COMMD10: variants seen among roughly 807,000 people sequenced by gnomAD.
COMMD10 encodes the protein COMM domain-containing protein 10.
COMMD10 carries 33 observed loss-of-function variants against 28.9 expected under a neutral mutation model. That is an observed-to-expected ratio of 1.14 (90% CI 0.87 to 1.53). The LOEUF (loss-of-function observed/expected upper bound fraction) is 1.53. Among genes scored for constraint, COMMD10 ranks in the 40% most tolerant of loss-of-function variants. COMMD10 has a pLI of 0.00. For missense variants in COMMD10, 310 were observed against 233.4 expected (o/e 1.33, Z -2.14); for synonymous variants, 110 against 81.7 (o/e 1.35, Z -1.87).
intron 5 of COMMD10, among the ~76,000 whole-genome samples, chr5:116,147,900 T>C (rs964231605): frequency 6.6e-6 from 1 of 151,918 alleles, no homozygotes; most frequent in East Asian, 1.9e-4. Flanking sequence ...CATTGTAAAC[T>C]AGTTGTCTTT....
At chr5:116,226,500 A>G (rs1431012537) in intron 5 of COMMD10, among the ~76,000 whole-genome samples, 2 of 139,520 alleles carry the variant, frequency 1.4e-5, no homozygotes, top group African/African-American at 5.5e-5. Context: ...GTGTGTCTCT[A>G]TTTAGTAGTG....
chr5:116,261,417 C>T (rs900695031), intron 5 of COMMD10, among the ~76,000 whole-genome samples: 2 of 151,488 alleles, frequency 1.3e-5, no homozygotes, highest in African/African-American at 2.4e-5. Flanking sequence ...TGGTCGTCCT[C>T]CTTATTTTAT....
intron 4 of COMMD10, among the ~76,000 whole-genome samples, chr5:116,106,700 A>AGCTCTT (rs1363627636): frequency 6.6e-6 from 1 of 152,160 alleles, no homozygotes; most frequent in Non-Finnish European, 1.5e-5. Flanking sequence ...TAGAATAGAT[A>AGCTCTT]GCTCTTGTTG....
At chr5:116,155,059 A>G (rs1752663533) in intron 5 of COMMD10, among the ~76,000 whole-genome samples, 1 of 152,126 alleles carries the variant, frequency 6.6e-6, no homozygotes, top group African/African-American at 2.4e-5. Flanking sequence ...TAACATTGGT[A>G]TCATCTTTAG....
intron 5 of COMMD10, chr5:116,217,928 A>G (rs944371351): frequency 2.8e-6 from 2 of 712,574 alleles, no homozygotes; most frequent in Non-Finnish European, 5.0e-6. Context: ...AAAAAAAAGT[A>G]AAACAAAATT....
At chr5:116,120,435 A>T (rs1020886760) in intron 4 of COMMD10, among the ~76,000 whole-genome samples, 1 of 152,138 alleles carries the variant, frequency 6.6e-6, no homozygotes, top group Non-Finnish European at 1.5e-5. Context: ...CTAAAATCTC[A>T]GAAATCACTG....
intron 5 of COMMD10, among the ~76,000 whole-genome samples, chr5:116,159,496 C>G (rs757804837): frequency 6.6e-6 from 1 of 152,202 alleles, no homozygotes; most frequent in Non-Finnish European, 1.5e-5. Context: ...ACTCTTTATC[C>G]AAGTTCTGAG....
intron 5 of COMMD10, among the ~76,000 whole-genome samples, chr5:116,135,676 T>C (rs72804830): frequency 0.053 from 8,053 of 152,274 alleles, 291 homozygotes; most frequent in East Asian, 0.14. Flanking sequence ...TTGTTCTATT[T>C]TATTATTATT....
chr5:116,251,372 A>C (rs1268330439), intron 5 of COMMD10, among the ~76,000 whole-genome samples: 1 of 147,428 alleles, frequency 6.8e-6, no homozygotes, highest in Non-Finnish European at 1.5e-5. Flanking sequence ...TACATGTGCC[A>C]TGCTGGTGTG....
At chr5:116,280,931 C>T (rs1026111562) in intron 5 of COMMD10, among the ~76,000 whole-genome samples, 1 of 151,746 alleles carries the variant, frequency 6.6e-6, no homozygotes, top group African/African-American at 2.4e-5. Flanking sequence ...CCTTTTATTT[C>T]TGTAACTAAG....
chr5:116,148,466 G>T (rs1025201818), intron 5 of COMMD10, among the ~76,000 whole-genome samples: 1 of 151,718 alleles, frequency 6.6e-6, no homozygotes, highest in Non-Finnish European at 1.5e-5. Flanking sequence ...CATATTTAAT[G>T]TGCTGCTACC....
intron 4 of COMMD10, among the ~76,000 whole-genome samples, chr5:116,124,965 C>G (rs1751574059): frequency 6.6e-6 from 1 of 152,140 alleles, no homozygotes; most frequent in African/African-American, 2.4e-5. Context: ...TGTGTCTCTG[C>G]ACGTGAAGTG....
rs138667737 is a variant in COMMD10, at chr5:116,133,482, G to A, written c.400-586G>A. Among the ~76,000 whole-genome samples, 292 of 152,270 alleles carry A rather than the reference G, an allele frequency of 1.9e-3. 3 individuals are homozygous for A. The highest frequency in any genetic ancestry group is 6.6e-3 in the African/African-American group (276 of 41,568). ...CTTGGAAAGTATGATAGTCTGTTGC[G>A]TAACACTTGCTGGGTAGTAGATATC... On this transcript the variant is annotated intron_variant, in intron 4 of 6. Coordinates refer to ENST00000274458, the MANE Select transcript of COMMD10 (RefSeq NM_016144.4).
intron 5 of COMMD10, among the ~76,000 whole-genome samples, chr5:116,211,969 G>C (rs1183037013): frequency 6.6e-6 from 1 of 152,110 alleles, no homozygotes; most frequent in South Asian, 2.1e-4. Flanking sequence ...GTTTTCTTAT[G>C]TGTCAAGTAA....
intron 5 of COMMD10, among the ~76,000 whole-genome samples, chr5:116,195,576 G>C (rs1021364776): frequency 5.3e-5 from 8 of 151,890 alleles, no homozygotes; most frequent in African/African-American, 1.9e-4. Flanking sequence ...AAATAAATAA[G>C]TAAGATACGT....
intron 5 of COMMD10, among the ~76,000 whole-genome samples, chr5:116,240,066 A>G (rs183082674): frequency 1.3e-5 from 2 of 152,284 alleles, no homozygotes; most frequent in Non-Finnish European, 2.9e-5. Flanking sequence ...AAGTGAGCAC[A>G]AGGACAGACA....
At chr5:116,128,552 A>T (rs1751738710) in intron 4 of COMMD10, among the ~76,000 whole-genome samples, 1 of 152,044 alleles carries the variant, frequency 6.6e-6, no homozygotes, top group African/African-American at 2.4e-5. Flanking sequence ...AAAACTCTAT[A>T]CTGGGTTTTA....
intron 5 of COMMD10, among the ~76,000 whole-genome samples, chr5:116,177,512 A>T (rs1010489493): frequency 1.8e-4 from 24 of 135,974 alleles, no homozygotes; most frequent in African/African-American, 7.7e-4. Context: ...TTCCTGCTTA[A>T]AATGTCTAAG....
intron 5 of COMMD10, among the ~76,000 whole-genome samples, chr5:116,184,531 T>C (rs1748077897): frequency 6.6e-6 from 1 of 152,090 alleles, no homozygotes; most frequent in Non-Finnish European, 1.5e-5. Context: ...TGGTTAACAC[T>C]GACTCCTAGG....
Sources: allele counts gnomAD v4.1 joint callset (sites outside exome capture counted in the v4.1 genomes callset), GRCh38; gene constraint gnomAD v4.1.1; transcripts MANE v1.5; gene names NCBI Gene and HGNC (gene_info 2026-07-23, HGNC 2026-07-21).